RNF144B: variants seen among roughly 807,000 people sequenced by gnomAD.
RNF144B encodes ring finger protein 144B.
Under a neutral mutation model 40.2 loss-of-function variants are expected in RNF144B, and 25 were observed. The observed-to-expected ratio is 0.62, with a 90% CI of 0.45 to 0.87. The LOEUF is 0.87. Ranked by LOEUF, RNF144B falls within the 40% of genes least tolerant of loss-of-function variation. The probability of loss-of-function intolerance (pLI) is 0.00; values close to 1 mark genes in which losing one functional copy is unlikely to be tolerated. For missense variants in RNF144B, 365 were observed against 373.7 expected, an observed-to-expected ratio of 0.98 and a Z score of 0.19; for synonymous variants, 145 against 136.3, an observed-to-expected ratio of 1.06 and a Z score of -0.44.
At position 18,457,434 on chromosome 6, in the gene RNF144B, G is replaced by C. The variant is rs1464891147; in HGVS notation, c.536+75G>C. Reference sequence around the variant, plus strand: ...ATTCAACATACCTTACGTGTAGAAGGAGTTACGTTGTGATGGCGTTTAGAG... The same window carrying C: ...ATTCAACATACCTTACGTGTAGAAGCAGTTACGTTGTGATGGCGTTTAGAG... On this transcript the variant is annotated intron_variant, in intron 5 of 7. Coordinates refer to ENST00000259939, the MANE Select transcript of RNF144B (RefSeq NM_182757.4). The surrounding 1 kb of genome is among the most constrained non-coding windows in gnomAD (Gnocchi z 5.1). The C allele has an allele frequency of 9.0e-7, 1 of 1,110,902 alleles. No individual in the cohort carries two copies. Among genetic ancestry groups the C allele is most frequent in the Non-Finnish European group, 1.4e-6 (1 of 724,752 alleles). The allele number at this position is 1,110,902 out of a possible 1,614,324, so 68.8% of individuals were successfully genotyped here.
At chr6:18,417,950 A>G (rs1795176871) in intron 2 of RNF144B, among the ~76,000 whole-genome samples, 1 of 152,220 alleles carries the variant, frequency 6.6e-6, no homozygotes, top group African/African-American at 2.4e-5. Flanking sequence ...GGACTTCTTC[A>G]GAGATGATGT....
intron 4 of RNF144B, among the ~76,000 whole-genome samples, chr6:18,452,988 T>G (rs1759243088): frequency 6.6e-6 from 1 of 151,986 alleles, no homozygotes; most frequent in Admixed American, 6.6e-5. Flanking sequence ...ATTTCACCAC[T>G]GTTGGCCAGG....
rs906342390 is a variant in RNF144B at position 18,441,126 on chromosome 6, G to A, written c.331+1382G>A. 2.0e-5 allele frequency among the ~76,000 whole-genome samples: 3 copies of A among 152,028 alleles called. No homozygotes were observed. The highest frequency in any genetic ancestry group is 7.2e-5 in the African/African-American group (3 of 41,382). ...TCTCTCTAATCCATCCACATGGGCC[G>A]ATTAGATTGAGCATTATAACACCAG... On this transcript the variant is annotated intron_variant, in intron 4 of 7. Transcript: ENST00000259939. This position sits in a 1 kb window ranked among gnomAD's most constrained non-coding sequence, Gnocchi z 4.9.
chr6:18,415,378 G>A (rs546879252), intron 2 of RNF144B, among the ~76,000 whole-genome samples: 60 of 152,218 alleles, frequency 3.9e-4, no homozygotes, highest in African/African-American at 1.3e-3. Context: ...CCGTGATGGC[G>A]GCTCTCTGCT....
In RNF144B at chr6:18,460,753, T is replaced by G. The variant is rs553155; in HGVS notation, c.681+1002T>G. 5.9e-5 allele frequency among the ~76,000 whole-genome samples: 9 copies of G among 152,262 alleles called. No homozygotes were observed. The highest frequency in any genetic ancestry group is 1.3e-4 in the Non-Finnish European group (9 of 68,038). On this transcript the variant is annotated intron_variant, in intron 6 of 7. Coordinates refer to ENST00000259939, the MANE Select transcript of RNF144B (RefSeq NM_182757.4). The surrounding 1 kb of genome is among the most constrained non-coding windows in gnomAD (Gnocchi z 4.4). ...TCATGAATCAAGTCTCAAATTGAGGTGCAGTTTTATTCAGCCCTGTGCCAA... is the reference window on the plus strand; with the variant it reads ...TCATGAATCAAGTCTCAAATTGAGGGGCAGTTTTATTCAGCCCTGTGCCAA...
intron 2 of RNF144B, among the ~76,000 whole-genome samples, chr6:18,415,933 G>T (rs573005927): frequency 6.6e-6 from 1 of 152,064 alleles, no homozygotes; most frequent in African/African-American, 2.4e-5. Flanking sequence ...ATAGTAGGAG[G>T]AAGAATGAAA....
At chr6:18,394,566 C>T (rs1162218793) in intron 1 of RNF144B, among the ~76,000 whole-genome samples, 1 of 151,160 alleles carries the variant, frequency 6.6e-6, no homozygotes, top group African/African-American at 2.4e-5. Context: ...CCACTGCACT[C>T]TAGCGTGGAT....
chr6:18,407,978 CTTTTTCTT>C (rs1236237185), intron 2 of RNF144B, among the ~76,000 whole-genome samples: 8 of 82,970 alleles, frequency 9.6e-5, no homozygotes, highest in Non-Finnish European at 1.8e-4. Flanking sequence ...TTCTTTCTTT[CTTTTTCTT>C]TTTTTTTTTT....
Position 18,464,826 on chromosome 6 carries a change from GA to G in RNF144B, c.772-100del. On this transcript the variant is annotated intron_variant, in intron 7 of 7. Transcript: ENST00000259939. This position sits in a 1 kb window ranked among gnomAD's most constrained non-coding sequence, Gnocchi z 6.1. ...GGTTTCAACATATGAGCTTCAGGGGGACACAAACATTTGGCCCACAGCAGAT... is the reference window on the plus strand; with the variant it reads ...GGTTTCAACATATGAGCTTCAGGGGGCACAAACATTTGGCCCACAGCAGAT... 1.8e-6 allele frequency: 2 copies of G among 1,133,062 alleles called. No individual in the cohort carries two copies. Among genetic ancestry groups the G allele is most frequent in the Non-Finnish European group, 2.6e-6 (2 of 775,516 alleles). 70.2% of individuals were successfully genotyped at this position (1,133,062 alleles called of 1,614,324 possible). A position where few individuals can be genotyped will look rare whatever the true frequency, so the allele number is the denominator to read the frequency against.
chr6:18,413,895 A>C (rs1795095663), intron 2 of RNF144B, among the ~76,000 whole-genome samples: 1 of 152,162 alleles, frequency 6.6e-6, no homozygotes, highest in South Asian at 2.1e-4. Context: ...CCTTTGAAAA[A>C]CTTTATCTTA....
chr6:18,445,966 C>G (rs1052821973), intron 4 of RNF144B, among the ~76,000 whole-genome samples: 20 of 152,178 alleles, frequency 1.3e-4, no homozygotes, highest in African/African-American at 4.6e-4. Context: ...AAAAAAATAT[C>G]CTGTGACTCC....
At chr6:18,399,810 C>T (rs1198362055) in intron 2 of RNF144B, 111 bp downstream of exon 2, 2 of 820,300 alleles carry the variant, frequency 2.4e-6, no homozygotes, top group Non-Finnish European at 3.8e-6. Context: ...CAATATGATC[C>T]TGCTTTGGAA....
chr6:18,420,601 G>C (rs1224506936), intron 2 of RNF144B, among the ~76,000 whole-genome samples: 3 of 152,248 alleles, frequency 2.0e-5, no homozygotes, highest in South Asian at 2.1e-4. Flanking sequence ...GGCAAGTAGA[G>C]GAGGAAAAGC....
chr6:18,390,726 T>G (rs1430590361), intron 1 of RNF144B, among the ~76,000 whole-genome samples: 1 of 152,254 alleles, frequency 6.6e-6, no homozygotes, highest in Non-Finnish European at 1.5e-5. Context: ...GTTGAACTTG[T>G]GGCTGAAACC....
intron 1 of RNF144B, among the ~76,000 whole-genome samples, chr6:18,389,497 G>T (rs997545398): frequency 4.6e-5 from 7 of 152,174 alleles, no homozygotes; most frequent in African/African-American, 1.4e-4. Flanking sequence ...CAATATTTTA[G>T]ACGTTTAGAA....
Position 18,443,711 on chromosome 6 carries a change from T to G in RNF144B, c.331+3967T>G, listed in dbSNP as rs1759016500. Among the ~76,000 whole-genome samples the G allele has an allele frequency of 6.6e-6, 1 of 152,246 alleles. No individual in the cohort carries two copies. The highest frequency in any genetic ancestry group is 2.4e-5 in the African/African-American group (1 of 41,466). On this transcript the variant is annotated intron_variant, in intron 4 of 7. Transcript: ENST00000259939. This position sits in a 1 kb window ranked among gnomAD's most constrained non-coding sequence, Gnocchi z 4.7. ...GAATTTACATGATTGGGATACACTT[T>G]ATCTAATTCTGTCTAAACTTTATCT...
intron 2 of RNF144B, among the ~76,000 whole-genome samples, chr6:18,417,374 A>G (rs552769747): frequency 6.6e-6 from 1 of 152,308 alleles, no homozygotes; most frequent in African/African-American, 2.4e-5. Flanking sequence ...ATGAGGATGG[A>G]CAGATAGATC....
intron 2 of RNF144B, among the ~76,000 whole-genome samples, chr6:18,415,659 G>A (rs1562045644): frequency 6.6e-6 from 1 of 151,986 alleles, no homozygotes; most frequent in African/African-American, 2.4e-5. Flanking sequence ...ATATCTCTCC[G>A]TCTGTTTAGC....
rs567599140 is a variant in RNF144B, at chr6:18,422,865, G to A, written c.166-4716G>A. Among the ~76,000 whole-genome samples, 135 of 151,846 alleles carry A rather than the reference G, an allele frequency of 8.9e-4. No individual in the cohort carries two copies. The highest frequency in any genetic ancestry group is 1.8e-3 in the Non-Finnish European group (119 of 67,948). On this transcript the variant is annotated intron_variant, in intron 2 of 7. Coordinates refer to ENST00000259939, the MANE Select transcript of RNF144B (RefSeq NM_182757.4). This position sits in a 1 kb window ranked among gnomAD's most constrained non-coding sequence, Gnocchi z 4.7. Reference sequence around the variant, plus strand: ...CTCAGCTACTGAGGAGCTGAGGTGGGAGGATCACTGAACCCAGGAGTTTGA... The same window carrying A: ...CTCAGCTACTGAGGAGCTGAGGTGGAAGGATCACTGAACCCAGGAGTTTGA...
Sources: gnomAD v4.1 joint callset for allele counts (sites outside exome capture counted in the v4.1 genomes callset) on GRCh38, gnomAD v4.1.1 for gene constraint, Gnocchi (gnomAD v3.1) non-coding constraint, MANE v1.5 for transcripts, NCBI Gene and HGNC (gene_info 2026-07-23, HGNC 2026-07-21) for gene names.